The following RAPGEF1 variants were observed in gnomAD, a reference collection of about 807,000 sequenced individuals.
RAPGEF1 encodes the protein CRK SH3-binding GNRP.
RAPGEF1 carries 33 observed loss-of-function variants against 143.3 expected under a neutral mutation model. The ratio of observed to expected loss-of-function variants is 0.23; its 90% CI spans 0.17 to 0.31. The LOEUF (loss-of-function observed/expected upper bound fraction) is 0.31, where lower values mean the gene tolerates loss of function less well. Among genes scored for constraint, RAPGEF1 ranks in the 10% least tolerant of loss-of-function variants. RAPGEF1 has a pLI of 1.00. For synonymous variants in RAPGEF1, 629 were observed against 676.5 expected, an observed-to-expected ratio of 0.93 and a Z score of 1.09; for missense variants, 1,199 against 1,645.4, an observed-to-expected ratio of 0.73 and a Z score of 4.69.
intron 1 of RAPGEF1, among the ~76,000 whole-genome samples, chr9:131,668,887 G>A (rs1564664194): frequency 6.6e-6 from 1 of 152,240 alleles, no homozygotes; most frequent in African/African-American, 2.4e-5. Flanking sequence ...TGTCTTTTAG[G>A]TGGAGTTGTT....
chr9:131,583,146 T>A lies in RAPGEF1; in HGVS notation c.3415-444A>T, dbSNP rs1382513277. Among the ~76,000 whole-genome samples the A allele has an allele frequency of 6.6e-6, 1 of 152,128 alleles. No individual in the cohort carries two copies. The highest frequency in any genetic ancestry group is 2.4e-5 in the African/African-American group (1 of 41,432). On this transcript the variant is annotated intron_variant, in intron 24 of 26. Transcript: ENST00000683357. This position sits in a 1 kb window ranked among gnomAD's most constrained non-coding sequence, Gnocchi z 4.7. ...CAGGGAGGACCAACTAAAGATAGCA[T>A]GTGACCTCGCCCTCCCCAGGGCTGG...
intron 1 of RAPGEF1, among the ~76,000 whole-genome samples, chr9:131,664,329 T>C (rs74971634): frequency 0.036 from 5,437 of 152,256 alleles, 209 homozygotes; most frequent in East Asian, 0.089. Context: ...ATCGGGGCAT[T>C]AGATGTGCTC....
intron 1 of RAPGEF1, among the ~76,000 whole-genome samples, chr9:131,737,749 G>A (rs1837512978): frequency 6.6e-6 from 1 of 152,100 alleles, no homozygotes; most frequent in East Asian, 1.9e-4. Context: ...CGGATCACGA[G>A]GTCAGGAGAT....
At position 131,584,443 on chromosome 9, in the gene RAPGEF1, G is replaced by A. The variant is rs1453126375; in HGVS notation, c.3313-31C>T. On this transcript the variant is annotated intron_variant, in intron 23 of 26. Transcript: ENST00000683357. This position sits in a 1 kb window ranked among gnomAD's most constrained non-coding sequence, Gnocchi z 6.8. ...GAGAGAGGGGCGGTGCCGTGAGGCA[G>A]GAGGGCAGGCGGGTCCCGGGCTCCC... 1 of 1,613,252 alleles carries A rather than the reference G, an allele frequency of 6.2e-7. No individual in the cohort carries two copies. Among genetic ancestry groups the A allele is most frequent in the African/African-American group, 1.3e-5 (1 of 74,910 alleles).
intron 1 of RAPGEF1, among the ~76,000 whole-genome samples, chr9:131,658,277 C>T (rs11243464): frequency 0.013 from 2,040 of 152,298 alleles, 52 homozygotes; most frequent in African/African-American, 0.047. Flanking sequence ...ATATTCCTCC[C>T]GGCACCTGGG....
At position 131,628,994 on chromosome 9, in the gene RAPGEF1, A is replaced by AG. The variant is rs775177314; in HGVS notation, c.893+107dup. On this transcript the variant is annotated intron_variant, in intron 7 of 26. Coordinates refer to ENST00000683357, the MANE Select transcript of RAPGEF1 (RefSeq NM_001377935.1). The surrounding 1 kb of genome is among the most constrained non-coding windows in gnomAD (Gnocchi z 5.7). The stretch of plus-strand genomic sequence containing the variant: ...GGACAGCTCCAGAGTCAGCCTCCCA[A>AG]GGGGGGCCAAGCCCTCAGCGCTGAG... The AG allele has an allele frequency of 1.4e-6, 2 of 1,414,544 alleles. No homozygotes were observed. The allele number at this position is 1,414,544 out of a possible 1,614,324, so 87.6% of individuals were successfully genotyped here. A position where few individuals can be genotyped will look rare whatever the true frequency, so the allele number is the denominator to read the frequency against.
chr9:131,578,212 T>C lies in RAPGEF1; in HGVS notation c.*1285A>G, dbSNP rs1283352604. On this transcript the variant is annotated 3_prime_UTR_variant, in exon 27 of 27. Coordinates refer to ENST00000683357, the MANE Select transcript of RAPGEF1 (RefSeq NM_001377935.1). ...ACGGAACCAGGCGGCACAGGGCAGA[T>C]TCTGTTTGTCAAGCGCCCCACAAGC... 1 of 152,270 alleles carries C rather than the reference T, an allele frequency of 6.6e-6. No homozygotes were observed. Among genetic ancestry groups the C allele is most frequent in the Non-Finnish European group, 1.5e-5 (1 of 68,086 alleles). 9.4% of individuals were successfully genotyped at this position (152,270 alleles called of 1,614,324 possible).
At chr9:131,599,180 A>G (rs1955837926) in intron 15 of RAPGEF1, among the ~76,000 whole-genome samples, 2 of 149,082 alleles carry the variant, frequency 1.3e-5, no homozygotes, top group African/African-American at 2.5e-5. Context: ...GCTGGAGTGC[A>G]GTGGTGCGAT....
At chr9:131,609,826 T>C (rs1208194467) in intron 12 of RAPGEF1, among the ~76,000 whole-genome samples, 2 of 152,220 alleles carry the variant, frequency 1.3e-5, no homozygotes, top group East Asian at 3.8e-4. Flanking sequence ...CTCTCTATTA[T>C]AGTCCTGGCA....
intron 1 of RAPGEF1, among the ~76,000 whole-genome samples, chr9:131,736,000 A>G (rs1479461141): frequency 1.3e-5 from 2 of 152,220 alleles, no homozygotes; most frequent in African/African-American, 4.8e-5. Context: ...CTCCAAAAAC[A>G]TGACGGTATC....
intron 1 of RAPGEF1, among the ~76,000 whole-genome samples, chr9:131,673,765 G>A (rs565872118): frequency 1.3e-5 from 2 of 152,296 alleles, no homozygotes; most frequent in South Asian, 4.1e-4. Context: ...GTCAGAAATT[G>A]CCAAGAGCCA....
chr9:131,615,458 T>C (rs1229378651), intron 12 of RAPGEF1, among the ~76,000 whole-genome samples: 1 of 152,152 alleles, frequency 6.6e-6, no homozygotes, highest in Non-Finnish European at 1.5e-5. Flanking sequence ...ATTCTGCATC[T>C]CTCGGTCTGA....
At chr9:131,638,504 C>T (rs919160418) in intron 5 of RAPGEF1, 131 bp downstream of exon 5, 21 of 1,020,038 alleles carry the variant, frequency 2.1e-5, no homozygotes, top group Non-Finnish European at 2.6e-5. Context: ...TGGGATAGAG[C>T]GCACCAACAC....
chr9:131,703,123 T>C (rs1339010169), intron 1 of RAPGEF1, among the ~76,000 whole-genome samples: 1 of 152,148 alleles, frequency 6.6e-6, no homozygotes, highest in Non-Finnish European at 1.5e-5. Context: ...CAGTGAGTCA[T>C]CACCATGCCA....
At position 131,629,140 on chromosome 9, in the gene RAPGEF1, G is replaced by C; in HGVS notation, c.855C>G (p.Pro285=). Residue 285 remains proline (P), a synonymous_variant, in exon 7 of 27, where the codon CCC becomes CCG. Transcript: ENST00000683357. ...CCCGAATGCCAGGCAGAGGAGGCTT[G>C]GGGGGCGCGACCTCTTCATCCGTGG... is the stretch of plus-strand genomic sequence containing the variant. ...PDATDEEVAP[P]KPPLPGIRVV... 1 of 1,613,924 alleles carries C rather than the reference G, an allele frequency of 6.2e-7. No homozygotes were observed.
At chr9:131,731,149 G>A in intron 1 of RAPGEF1, among the ~76,000 whole-genome samples, 1 of 152,166 alleles carries the variant, frequency 6.6e-6, no homozygotes, top group Non-Finnish European at 1.5e-5. Context: ...CTGTGTCTTA[G>A]TCTCCTCCTC....
chr9:131,628,795 T>G lies in RAPGEF1; in HGVS notation c.894-123A>C. ...GACTCTCCACACCCAATGTTCACACTTCAACTCCTGCCTACTCCCCTCCGC... is the reference window on the plus strand; with the variant it reads ...GACTCTCCACACCCAATGTTCACACGTCAACTCCTGCCTACTCCCCTCCGC... On this transcript the variant is annotated intron_variant, in intron 7 of 26. Transcript: ENST00000683357. The surrounding 1 kb of genome is among the most constrained non-coding windows in gnomAD (Gnocchi z 5.7). 7.5e-7 allele frequency: 1 copy of G among 1,325,266 alleles called. No individual in the cohort carries two copies. Among genetic ancestry groups the G allele is most frequent in the Non-Finnish European group, 1.0e-6 (1 of 974,578 alleles). 82.1% of individuals were successfully genotyped at this position (1,325,266 alleles called of 1,614,324 possible). A position where few individuals can be genotyped will look rare whatever the true frequency, so the allele number is the denominator to read the frequency against.
rs558664092 is a variant in RAPGEF1, at chr9:131,617,405, A to C, written c.2061+1646T>G. On this transcript the variant is annotated intron_variant, in intron 12 of 26. Coordinates refer to ENST00000683357, the MANE Select transcript of RAPGEF1 (RefSeq NM_001377935.1). ...GCCTCAGTACCCATTGGGAGAATGC[A>C]CTCCAAGGTCCTCAGACAGGCAGGA... Among the ~76,000 whole-genome samples, 3 of 152,330 alleles carry C rather than the reference A, an allele frequency of 2.0e-5. No homozygotes were observed. The South Asian group carries it at 6.2e-4, about 32-fold the overall frequency.
intron 9 of RAPGEF1, among the ~76,000 whole-genome samples, chr9:131,627,554 T>C (rs927592651): frequency 6.6e-6 from 1 of 152,212 alleles, no homozygotes; most frequent in African/African-American, 2.4e-5. Context: ...CTCCCTCCCC[T>C]TCAGCCTCTG....
Sources: allele counts gnomAD v4.1 joint callset (sites outside exome capture counted in the v4.1 genomes callset), GRCh38; gene constraint gnomAD v4.1.1; non-coding constraint Gnocchi (gnomAD v3.1); transcripts MANE v1.5; gene names NCBI Gene and HGNC (gene_info 2026-07-23, HGNC 2026-07-21).